Variants in GRID2 observed in about 807,000 individuals in gnomAD.
GRID2 encodes the protein glutamate receptor ionotropic, delta-2.
In GRID2, 33 loss-of-function variants were observed where a neutral mutation model predicts 114.8. The ratio of observed to expected loss-of-function variants is 0.29; its 90% CI spans 0.22 to 0.38. GRID2 has a LOEUF of 0.38. Among genes scored for constraint, GRID2 ranks in the 10% least tolerant of loss-of-function variants. The pLI is 1.00. For synonymous variants in GRID2, 505 were observed against 449.9 expected (o/e 1.12, Z -1.55); for missense variants, 1,184 against 1,257.7 (o/e 0.94, Z 0.89).
chr4:93,218,865 G>T (rs552058167), intron 6 of GRID2, among the ~76,000 whole-genome samples: 10 of 152,236 alleles, frequency 6.6e-5, no homozygotes, highest in African/African-American at 2.4e-4. Flanking sequence ...ATCGCAGCAG[G>T]TAAGACAAGT....
intron 2 of GRID2, among the ~76,000 whole-genome samples, chr4:92,801,917 C>T (rs1279589979): frequency 2.0e-5 from 3 of 151,598 alleles, no homozygotes; most frequent in Non-Finnish European, 2.9e-5. Context: ...GTAGCATAGC[C>T]AAGATTCATA....
intron 15 of GRID2, among the ~76,000 whole-genome samples, chr4:93,770,762 G>A (rs776653441): frequency 1.1e-3 from 160 of 152,168 alleles, no homozygotes; most frequent in Non-Finnish European, 2.0e-3. Flanking sequence ...TGGAAAGTAA[G>A]GACTCCCCAA....
At chr4:93,726,644 A>G (rs549290114) in intron 14 of GRID2, among the ~76,000 whole-genome samples, 1 of 151,996 alleles carries the variant, frequency 6.6e-6, no homozygotes, top group Non-Finnish European at 1.5e-5. Flanking sequence ...ATTTGTTTGT[A>G]TCCTCTTTTA....
intron 7 of GRID2, among the ~76,000 whole-genome samples, chr4:93,229,431 T>C (rs1375215990): frequency 6.6e-6 from 1 of 152,152 alleles, no homozygotes; most frequent in Non-Finnish European, 1.5e-5. Flanking sequence ...TCAAGTTTCC[T>C]ACAGGTGTCA....
chr4:92,518,848 CT>C, intron 1 of GRID2, among the ~76,000 whole-genome samples: 1 of 151,824 alleles, frequency 6.6e-6, no homozygotes, highest in East Asian at 1.9e-4. Flanking sequence ...CTGTACCATT[CT>C]TTGAAGCAAA....
At chr4:92,866,808 C>T (rs1744902715) in intron 2 of GRID2, among the ~76,000 whole-genome samples, 1 of 152,090 alleles carries the variant, frequency 6.6e-6, no homozygotes, top group African/African-American at 2.4e-5. Context: ...ACCTCGGCCT[C>T]CCCAAGTGCG....
intron 1 of GRID2, among the ~76,000 whole-genome samples, chr4:92,544,294 G>T (rs985694472): frequency 6.6e-6 from 1 of 152,068 alleles, no homozygotes; most frequent in South Asian, 2.1e-4. Flanking sequence ...ACTGAACTTT[G>T]CATAATCATC....
At chr4:92,675,205 T>C (rs1292780718) in intron 2 of GRID2, among the ~76,000 whole-genome samples, 1 of 152,140 alleles carries the variant, frequency 6.6e-6, no homozygotes, top group Non-Finnish European at 1.5e-5. Flanking sequence ...TCTGAATGCC[T>C]GGGGTATTCA....
intron 2 of GRID2, among the ~76,000 whole-genome samples, chr4:92,673,396 T>C (rs1036347447): frequency 2.0e-5 from 3 of 152,210 alleles, no homozygotes; most frequent in Non-Finnish European, 4.4e-5. Context: ...GTTTTAAATA[T>C]TGAGTTGTTG....
chr4:92,785,116 T>TA (rs1739256753), intron 2 of GRID2, among the ~76,000 whole-genome samples: 1 of 149,586 alleles, frequency 6.7e-6, no homozygotes, highest in East Asian at 2.0e-4. Context: ...CCACTAAAAA[T>TA]GATAAGTCTC....
At chr4:92,831,062 C>T (rs2149398758) in intron 2 of GRID2, among the ~76,000 whole-genome samples, 1 of 152,252 alleles carries the variant, frequency 6.6e-6, no homozygotes, top group South Asian at 2.1e-4. Flanking sequence ...TATTGAGAAA[C>T]AGAAGGGACT....
chr4:92,842,004 G>C (rs577779179), intron 2 of GRID2, among the ~76,000 whole-genome samples: 1 of 152,230 alleles, frequency 6.6e-6, no homozygotes, highest in African/African-American at 2.4e-5. Context: ...TTCTGGAGAA[G>C]TTACTACCAA....
intron 2 of GRID2, among the ~76,000 whole-genome samples, chr4:92,673,795 G>A (rs1478110423): frequency 6.6e-6 from 1 of 152,018 alleles, no homozygotes; most frequent in Non-Finnish European, 1.5e-5. Context: ...GACACAGGGT[G>A]GGGAACATCA....
At position 92,807,282 on chromosome 4, in the gene GRID2, A is replaced by T. The variant is rs1197948735; in HGVS notation, c.244+216996A>T. On this transcript the variant is annotated intron_variant, in intron 2 of 15. Transcript: ENST00000282020. Reference sequence around the variant, plus strand: ...TTTCTGGAATATCTATATATTGTGCATACAGATAAAGTGTACCCTTTGCTT... The same window carrying T: ...TTTCTGGAATATCTATATATTGTGCTTACAGATAAAGTGTACCCTTTGCTT... Among the ~76,000 whole-genome samples, 3 of 152,012 alleles carry T rather than the reference A, an allele frequency of 2.0e-5. No individual in the cohort carries two copies. The East Asian group carries it at 5.8e-4, about 29-fold the overall frequency.
At chr4:92,698,940 C>T (rs1734543192) in intron 2 of GRID2, among the ~76,000 whole-genome samples, 1 of 152,072 alleles carries the variant, frequency 6.6e-6, no homozygotes, top group Non-Finnish European at 1.5e-5. Context: ...GTACTGACAA[C>T]ACATATTTTG....
At chr4:92,644,080 A>C (rs1429407790) in intron 2 of GRID2, among the ~76,000 whole-genome samples, 1 of 148,242 alleles carries the variant, frequency 6.7e-6, no homozygotes, top group Non-Finnish European at 1.5e-5. Context: ...GACATGATTA[A>C]AAAATAACAG....
chr4:93,749,328 G>C (rs1457074675), intron 14 of GRID2, among the ~76,000 whole-genome samples: 4 of 152,138 alleles, frequency 2.6e-5, no homozygotes, highest in Non-Finnish European at 5.9e-5. Flanking sequence ...CAAGATATAG[G>C]GAAATGATTG....
At chr4:93,769,577 A>C in intron 15 of GRID2, 127 bp downstream of exon 15, 1 of 805,498 alleles carries the variant, frequency 1.2e-6, no homozygotes, top group South Asian at 1.8e-5. Flanking sequence ...AAGATTAAAA[A>C]TAAAGTTGTG....
At chr4:93,717,471 T>C (rs1306350546) in intron 14 of GRID2, among the ~76,000 whole-genome samples, 2 of 152,090 alleles carry the variant, frequency 1.3e-5, no homozygotes, top group African/African-American at 4.8e-5. Flanking sequence ...AGCCCTTATA[T>C]TCCCCTTGTT....
Sources: gnomAD v4.1 joint callset for allele counts (sites outside exome capture counted in the v4.1 genomes callset) on GRCh38, gnomAD v4.1.1 for gene constraint, MANE v1.5 for transcripts, NCBI Gene and HGNC (gene_info 2026-07-23, HGNC 2026-07-21) for gene names.